Variants in ZRANB3 observed in about 807,000 individuals in gnomAD.
ZRANB3 encodes zinc finger RANBP2-type containing 3.
ZRANB3 carries 125 observed loss-of-function variants against 133.8 expected under a neutral mutation model. The ratio of observed to expected loss-of-function variants is 0.93; its 90% confidence interval spans 0.81 to 1.08. ZRANB3 has a LOEUF of 1.08. Among genes scored for constraint, ZRANB3 ranks in the 50% least tolerant of loss-of-function variants. The probability of loss-of-function intolerance (pLI) is 0.00; values close to 1 mark genes in which losing one functional copy is unlikely to be tolerated. For missense variants in ZRANB3, 1,229 were observed against 1,275.5 expected (o/e 0.96, Z 0.56); for synonymous variants, 387 against 432.7 (o/e 0.89, Z 1.31).
intron 2 of ZRANB3, among the ~76,000 whole-genome samples, chr2:135,425,389 G>C (rs1032493433): frequency 4.6e-5 from 7 of 152,186 alleles, no homozygotes; most frequent in Admixed American, 3.9e-4. Context: ...TACCCAAGTA[G>C]AAGTTAGTTT....
At chr2:135,414,242 T>C (rs544712475) in intron 2 of ZRANB3, among the ~76,000 whole-genome samples, 7 of 151,656 alleles carry the variant, frequency 4.6e-5, no homozygotes, top group African/African-American at 1.7e-4. Context: ...AGGCTCAAAA[T>C]AAAAGGATGG....
intron 19 of ZRANB3, among the ~76,000 whole-genome samples, chr2:135,203,544 G>A (rs184227483): frequency 2.6e-5 from 4 of 151,214 alleles, no homozygotes; most frequent in Admixed American, 6.6e-5. Flanking sequence ...GCGTGAACCC[G>A]GGAGGTGGAG....
intron 1 of ZRANB3, among the ~76,000 whole-genome samples, chr2:135,505,757 A>C (rs1693150850): frequency 1.3e-5 from 2 of 152,140 alleles, no homozygotes; most frequent in Admixed American, 1.3e-4. Flanking sequence ...AGCAAGACCC[A>C]CGCACTCGTA....
intron 12 of ZRANB3, among the ~76,000 whole-genome samples, chr2:135,236,856 A>G (rs1400892121): frequency 1.3e-5 from 2 of 152,226 alleles, no homozygotes; most frequent in Non-Finnish European, 2.9e-5. Flanking sequence ...AACCTAGGCA[A>G]TACCATTCAG....
intron 8 of ZRANB3, among the ~76,000 whole-genome samples, chr2:135,291,717 G>C (rs903142195): frequency 6.6e-6 from 1 of 151,714 alleles, no homozygotes; most frequent in South Asian, 2.1e-4. Flanking sequence ...TTAACATTAG[G>C]TGTATCTCCT....
At chr2:135,275,596 T>G (rs1194056462) in intron 9 of ZRANB3, 40 bp downstream of exon 9, 1 of 1,515,478 alleles carries the variant, frequency 6.6e-7, no homozygotes, top group South Asian at 1.3e-5. Flanking sequence ...AGTAAAAATA[T>G]GCATTCTAAA....
intron 6 of ZRANB3, among the ~76,000 whole-genome samples, chr2:135,331,705 A>T (rs181767066): frequency 6.6e-6 from 1 of 152,244 alleles, no homozygotes; most frequent in East Asian, 1.9e-4. Context: ...TAGCTCTCTA[A>T]GGACTTGCTT....
chr2:135,526,444 G>A (rs549123267), intron 1 of ZRANB3, among the ~76,000 whole-genome samples: 1 of 152,230 alleles, frequency 6.6e-6, no homozygotes, highest in Middle Eastern at 3.4e-3. Flanking sequence ...GATTACAGGC[G>A]TGAGCCAATG....
chr2:135,349,590 A>C (rs944955892), intron 5 of ZRANB3, among the ~76,000 whole-genome samples: 1 of 152,232 alleles, frequency 6.6e-6, no homozygotes, highest in Admixed American at 6.5e-5. Flanking sequence ...GAACAGACAG[A>C]AGCTCTGAAA....
intron 3 of ZRANB3, among the ~76,000 whole-genome samples, chr2:135,361,446 AATT>A (rs1295246854): frequency 1.2e-4 from 18 of 152,362 alleles, no homozygotes; most frequent in Admixed American, 7.8e-4. Context: ...TATTCTATGA[AATT>A]ATTAAGAGCA....
chr2:135,383,212 C>T (rs1686805399), intron 3 of ZRANB3, among the ~76,000 whole-genome samples: 2 of 152,012 alleles, frequency 1.3e-5, no homozygotes, highest in Non-Finnish European at 2.9e-5. Flanking sequence ...TCTGATAAAA[C>T]AGACTTTAAA....
intron 8 of ZRANB3, among the ~76,000 whole-genome samples, chr2:135,310,464 T>TA (rs1682918707): frequency 6.6e-6 from 1 of 151,828 alleles, no homozygotes; most frequent in Non-Finnish European, 1.5e-5. Context: ...AAAACAAAAA[T>TA]AAAAAAATCA....
At chr2:135,300,502 A>G (rs1573866266) in intron 8 of ZRANB3, among the ~76,000 whole-genome samples, 1 of 152,348 alleles carries the variant, frequency 6.6e-6, no homozygotes, top group Admixed American at 6.5e-5. Flanking sequence ...ACTATCTAAC[A>G]GCTTGCACCT....
intron 2 of ZRANB3, among the ~76,000 whole-genome samples, chr2:135,444,546 C>A (rs1357248296): frequency 6.6e-6 from 1 of 151,846 alleles, no homozygotes; most frequent in Non-Finnish European, 1.5e-5. Flanking sequence ...AAAATAGGAA[C>A]CCCCCAAAAA....
intron 3 of ZRANB3, among the ~76,000 whole-genome samples, chr2:135,372,134 C>A (rs1686207722): frequency 6.7e-6 from 1 of 150,242 alleles, no homozygotes; most frequent in African/African-American, 2.5e-5. Context: ...TGCCACTGTG[C>A]CAGCCTGGGT....
At chr2:135,458,748 C>A (rs1350765712) in intron 2 of ZRANB3, among the ~76,000 whole-genome samples, 1 of 151,990 alleles carries the variant, frequency 6.6e-6, no homozygotes, top group Non-Finnish European at 1.5e-5. Context: ...GTACTAAATT[C>A]AATAGTATCA....
intron 2 of ZRANB3, among the ~76,000 whole-genome samples, chr2:135,414,976 G>C (rs1457890357): frequency 2.6e-5 from 4 of 151,870 alleles, no homozygotes; most frequent in African/African-American, 9.7e-5. Context: ...GAAATTTATA[G>C]CACTAAATGC....
chr2:135,331,539 T>C (rs537730702), intron 6 of ZRANB3, among the ~76,000 whole-genome samples: 1 of 152,270 alleles, frequency 6.6e-6, no homozygotes, highest in East Asian at 1.9e-4. Flanking sequence ...TTCTGTTGAT[T>C]TGGGGTGGAG....
At chr2:135,344,179 AT>A (rs1379354166) in intron 6 of ZRANB3, among the ~76,000 whole-genome samples, 7 of 151,888 alleles carry the variant, frequency 4.6e-5, no homozygotes, top group Non-Finnish European at 8.8e-5. Flanking sequence ...ATAATTTGCC[AT>A]TTTTTTTGAG....
Sources: allele counts gnomAD v4.1 joint callset (sites outside exome capture counted in the v4.1 genomes callset), GRCh38; gene constraint gnomAD v4.1.1; transcripts MANE v1.5; gene names NCBI Gene and HGNC (gene_info 2026-07-23, HGNC 2026-07-21).